HS6ST3: variants seen among roughly 807,000 people sequenced by gnomAD.
HS6ST3 encodes heparan-sulfate 6-O-sulfotransferase 3.
A neutral mutation model predicts 36.7 loss-of-function variants in HS6ST3; 12 were observed. The ratio of observed to expected loss-of-function variants is 0.33; its 90% confidence interval spans 0.21 to 0.53. The LOEUF (loss-of-function observed/expected upper bound fraction) is 0.53, where lower values mean the gene tolerates loss of function less well. Among genes scored for constraint, HS6ST3 ranks in the 20% least tolerant of loss-of-function variants. The probability of loss-of-function intolerance (pLI) is 0.95; values close to 1 mark genes in which losing one functional copy is unlikely to be tolerated. For synonymous variants in HS6ST3, 240 were observed against 257.5 expected, an observed-to-expected ratio of 0.93 and a Z score of 0.65; for missense variants, 584 against 640.9, an observed-to-expected ratio of 0.91 and a Z score of 0.96.
chr13:96,172,188 A>G (rs911024492), intron 1 of HS6ST3, among the ~76,000 whole-genome samples: 19 of 152,236 alleles, frequency 1.2e-4, no homozygotes, highest in African/African-American at 3.9e-4. Context: ...ATCATATTGG[A>G]CGCCCTCAAC....
chr13:96,306,033 G>A (rs1428177005), intron 1 of HS6ST3, among the ~76,000 whole-genome samples: 1 of 151,124 alleles, frequency 6.6e-6, no homozygotes, highest in East Asian at 1.9e-4. Context: ...CCAGGCTCAA[G>A]CAATTCTCCC....
chr13:96,602,109 C>A (rs1318070724), intron 1 of HS6ST3, among the ~76,000 whole-genome samples: 2 of 152,176 alleles, frequency 1.3e-5, no homozygotes, highest in Non-Finnish European at 2.9e-5. Context: ...AGGTAAAAAC[C>A]AGCTGTGGCT....
At chr13:96,563,858 C>T (rs778627205) in intron 1 of HS6ST3, among the ~76,000 whole-genome samples, 1 of 152,194 alleles carries the variant, frequency 6.6e-6, no homozygotes, top group Non-Finnish European at 1.5e-5. Context: ...TTTCATCTTA[C>T]TGTCTTAGCC....
intron 1 of HS6ST3, among the ~76,000 whole-genome samples, chr13:96,118,252 G>T: frequency 6.6e-6 from 1 of 152,178 alleles, no homozygotes; most frequent in Non-Finnish European, 1.5e-5. Flanking sequence ...GTCCTAATTC[G>T]ATATGACTGG....
chr13:96,393,694 G>T (rs1179981460), intron 1 of HS6ST3, among the ~76,000 whole-genome samples: 1 of 152,188 alleles, frequency 6.6e-6, no homozygotes, highest in Non-Finnish European at 1.5e-5. Context: ...AGTAGGCAGA[G>T]TTTTTGTTTT....
chr13:96,772,751 A>G (rs1337593387), intron 1 of HS6ST3, among the ~76,000 whole-genome samples: 1 of 152,212 alleles, frequency 6.6e-6, no homozygotes, highest in Non-Finnish European at 1.5e-5. Context: ...AGTTATTGTA[A>G]TATTGGCCAA....
chr13:96,630,729 G>C (rs1376504809), intron 1 of HS6ST3, among the ~76,000 whole-genome samples: 4 of 151,908 alleles, frequency 2.6e-5, no homozygotes, highest in African/African-American at 9.7e-5. Context: ...CTGGAGTTTG[G>C]TTTTCACTTT....
chr13:96,803,828 A>G (rs554120228), intron 1 of HS6ST3, among the ~76,000 whole-genome samples: 1 of 152,164 alleles, frequency 6.6e-6, no homozygotes, highest in Admixed American at 6.5e-5. Flanking sequence ...TTAAATAAAC[A>G]CTTAGTAATG....
intron 1 of HS6ST3, among the ~76,000 whole-genome samples, chr13:96,416,666 T>G (rs1250137381): frequency 1.3e-5 from 2 of 151,986 alleles, no homozygotes; most frequent in African/African-American, 4.8e-5. Context: ...AGTGTATTTT[T>G]TTTTTTTTTT....
intron 1 of HS6ST3, among the ~76,000 whole-genome samples, chr13:96,527,300 T>C (rs569035598): frequency 1.3e-5 from 2 of 152,030 alleles, no homozygotes; most frequent in African/African-American, 4.8e-5. Flanking sequence ...CTCTCCTTTA[T>C]TCATTTAAAA....
chr13:96,688,210 A>T (rs1874840832), intron 1 of HS6ST3, among the ~76,000 whole-genome samples: 1 of 62,306 alleles, frequency 1.6e-5, no homozygotes, highest in African/African-American at 4.3e-5. Flanking sequence ...CTAGAACTTA[A>T]AGTATAATAA....
intron 1 of HS6ST3, among the ~76,000 whole-genome samples, chr13:96,192,787 T>C (rs1196444446): frequency 6.6e-6 from 1 of 152,100 alleles, no homozygotes; most frequent in East Asian, 1.9e-4. Flanking sequence ...AATGGGATTA[T>C]TGGATCAAAT....
At chr13:96,523,408 C>T (rs1322458168) in intron 1 of HS6ST3, among the ~76,000 whole-genome samples, 1 of 152,162 alleles carries the variant, frequency 6.6e-6, no homozygotes, top group Non-Finnish European at 1.5e-5. Flanking sequence ...TGAATGTTGA[C>T]CTGCCTTGCT....
intron 1 of HS6ST3, among the ~76,000 whole-genome samples, chr13:96,773,681 G>T (rs1406510937): frequency 6.6e-6 from 1 of 152,172 alleles, no homozygotes; most frequent in South Asian, 2.1e-4. Flanking sequence ...CCCCAGTCAG[G>T]GGCTTATAGA....
chr13:96,575,147 G>A (rs923246480), intron 1 of HS6ST3, among the ~76,000 whole-genome samples: 2 of 152,108 alleles, frequency 1.3e-5, no homozygotes, highest in Admixed American at 1.3e-4. Context: ...GGCAAGCCAT[G>A]GATATTTTCA....
chr13:96,198,748 G>A (rs1396734948), intron 1 of HS6ST3, among the ~76,000 whole-genome samples: 4 of 152,170 alleles, frequency 2.6e-5, no homozygotes, highest in African/African-American at 9.7e-5. Context: ...TTTTGGCAAA[G>A]CCATTCAACA....
chr13:96,721,907 G>C (rs1020920861), intron 1 of HS6ST3, among the ~76,000 whole-genome samples: 5 of 152,058 alleles, frequency 3.3e-5, no homozygotes, highest in African/African-American at 1.2e-4. Context: ...AATGATTTAG[G>C]GAAAAAAAGG....
chr13:96,559,054 T>C (rs2056251642), intron 1 of HS6ST3, among the ~76,000 whole-genome samples: 1 of 151,986 alleles, frequency 6.6e-6, no homozygotes, highest in African/African-American at 2.4e-5. Flanking sequence ...TAACCAATTC[T>C]AAGTGAGAAT....
intron 1 of HS6ST3, among the ~76,000 whole-genome samples, chr13:96,103,399 G>A (rs571306986): frequency 6.6e-6 from 1 of 152,148 alleles, no homozygotes; most frequent in Non-Finnish European, 1.5e-5. Context: ...AGTTTCCTGA[G>A]GTTGGTGAGT....
Sources: allele counts gnomAD v4.1 joint callset (sites outside exome capture counted in the v4.1 genomes callset), GRCh38; gene constraint gnomAD v4.1.1; transcripts MANE v1.5; gene names NCBI Gene and HGNC (gene_info 2026-07-23, HGNC 2026-07-21).